The following CNTNAP2 variants were observed in gnomAD, a reference collection of about 807,000 sequenced individuals.
The protein encoded by CNTNAP2 is contactin-associated protein-like 2.
A neutral mutation model predicts 155.2 loss-of-function variants in CNTNAP2; 98 were observed. The ratio of observed to expected loss-of-function variants is 0.63; its 90% CI spans 0.54 to 0.75. The LOEUF (loss-of-function observed/expected upper bound fraction) is 0.75. Ranked by LOEUF, CNTNAP2 falls within the 30% of genes least tolerant of loss-of-function variation. CNTNAP2 has a pLI of 0.00. For missense variants in CNTNAP2, 1,727 were observed against 1,688.1 expected, an observed-to-expected ratio of 1.02 and a Z score of -0.40; for synonymous variants, 651 against 631.2, an observed-to-expected ratio of 1.03 and a Z score of -0.47.
At chr7:146,118,221 G>T (rs1269594831) in intron 1 of CNTNAP2, among the ~76,000 whole-genome samples, 1 of 152,106 alleles carries the variant, frequency 6.6e-6, no homozygotes, top group Non-Finnish European at 1.5e-5. Flanking sequence ...CCTAAGTACA[G>T]TATTAGCTTT....
intron 1 of CNTNAP2, among the ~76,000 whole-genome samples, chr7:146,322,634 C>CTCTTTTTTTTTTTTTTTTT (rs748751758): frequency 1.5e-5 from 1 of 64,964 alleles, no homozygotes; most frequent in Non-Finnish European, 2.7e-5. Flanking sequence ...TGTTCATTCT[C>CTCTTTTTTTTTTTTTTTTT]TTTTTTTTTT....
rs1803064795 is a variant in CNTNAP2 at position 146,811,462 on chromosome 7, C to A, written c.209-28249C>A. ...TGATTTCTTATGATACTTTGTATTTCCGTGGTATCGGTTGTAATGTTTTCT... is the reference window on the plus strand; with the variant it reads ...TGATTTCTTATGATACTTTGTATTTACGTGGTATCGGTTGTAATGTTTTCT... On this transcript the variant is annotated intron_variant, in intron 2 of 23. Transcript: ENST00000361727. Among the ~76,000 whole-genome samples the A allele has an allele frequency of 7.9e-5, 12 of 152,024 alleles. 2 individuals are homozygous for A. The South Asian group carries it at 2.5e-3, about 32-fold the overall frequency.
chr7:146,887,911 T>C (rs1450671828), intron 3 of CNTNAP2, among the ~76,000 whole-genome samples: 3 of 152,122 alleles, frequency 2.0e-5, no homozygotes, highest in Non-Finnish European at 4.4e-5. Context: ...TGTTAGGGTG[T>C]CCACTTTTAG....
intron 3 of CNTNAP2, among the ~76,000 whole-genome samples, chr7:146,868,301 A>G (rs1795243073): frequency 6.6e-6 from 1 of 152,000 alleles, no homozygotes; most frequent in Non-Finnish European, 1.5e-5. Flanking sequence ...TTGTTTTGTC[A>G]TCTTTGTGAA....
intron 9 of CNTNAP2, among the ~76,000 whole-genome samples, chr7:147,347,697 G>C (rs758615569): frequency 1.7e-4 from 26 of 151,660 alleles, no homozygotes; most frequent in Non-Finnish European, 3.2e-4. Flanking sequence ...ATGTGTGTGG[G>C]ATCACAAAAA....
chr7:146,610,598 A>G (rs1161790075), intron 1 of CNTNAP2, among the ~76,000 whole-genome samples: 1 of 152,178 alleles, frequency 6.6e-6, no homozygotes, highest in Non-Finnish European at 1.5e-5. Flanking sequence ...AAATATGACA[A>G]TATTTTAAAT....
In CNTNAP2 at chr7:146,246,587, C is replaced by G. The variant is rs141136964; in HGVS notation, c.97+129614C>G. Among the ~76,000 whole-genome samples the G allele has an allele frequency of 8.9e-3, 1,347 of 150,932 alleles. 25 individuals are homozygous for G. Among genetic ancestry groups the G allele is most frequent in the African/African-American group, 0.031 (1,257 of 40,398 alleles). ...CTTACCCTCCACTGTGAGAGTTACC[C>G]GAAGCTCGGCGTCCCTGATGGTCTA... On this transcript the variant is annotated intron_variant, in intron 1 of 23. Transcript: ENST00000361727.
intron 1 of CNTNAP2, among the ~76,000 whole-genome samples, chr7:146,631,609 G>T (rs2129158851): frequency 6.6e-6 from 1 of 152,194 alleles, no homozygotes; most frequent in Admixed American, 6.5e-5. Flanking sequence ...TCTGAATTCT[G>T]GTTAGTCTTC....
At chr7:147,627,472 T>C (rs10238508) in intron 12 of CNTNAP2, among the ~76,000 whole-genome samples, 3,089 of 151,384 alleles carry the variant, frequency 0.02, 113 homozygotes, top group African/African-American at 0.071. Flanking sequence ...CTGAGGCAGG[T>C]GGATCATGAG....
chr7:146,285,697 T>TCC (rs1800314984), intron 1 of CNTNAP2, among the ~76,000 whole-genome samples: 1 of 25,124 alleles, frequency 4.0e-5, no homozygotes, highest in South Asian at 2.4e-3. Context: ...TCCCTTCCCC[T>TCC]CCCCTCCCCT....
intron 1 of CNTNAP2, among the ~76,000 whole-genome samples, chr7:146,406,196 T>A (rs1200680679): frequency 1.3e-5 from 2 of 152,232 alleles, no homozygotes; most frequent in Non-Finnish European, 2.9e-5. Flanking sequence ...CTCTATAGCC[T>A]ATATTTAAAT....
intron 1 of CNTNAP2, among the ~76,000 whole-genome samples, chr7:146,227,284 G>T (rs989844586): frequency 6.6e-6 from 1 of 151,882 alleles, no homozygotes; most frequent in Non-Finnish European, 1.5e-5. Context: ...AATTATCTGG[G>T]TGTGGTGGCA....
intron 14 of CNTNAP2, among the ~76,000 whole-genome samples, chr7:147,941,832 C>T (rs752810138): frequency 2.1e-4 from 32 of 152,144 alleles, no homozygotes; most frequent in Admixed American, 1.2e-3. Context: ...GTCACTCTTT[C>T]CTGGGTGAAT....
At chr7:146,943,656 T>C (rs1797100210) in intron 3 of CNTNAP2, among the ~76,000 whole-genome samples, 1 of 152,234 alleles carries the variant, frequency 6.6e-6, no homozygotes, top group Non-Finnish European at 1.5e-5. Flanking sequence ...GTACATATCA[T>C]GCCATTTAGC....
intron 3 of CNTNAP2, among the ~76,000 whole-genome samples, chr7:146,879,164 A>T (rs548476217): frequency 3.4e-4 from 52 of 152,314 alleles, no homozygotes; most frequent in African/African-American, 1.3e-3. Flanking sequence ...TGTGGCAGGC[A>T]TCATTTTCCC....
chr7:147,891,270 T>A (rs7810021), intron 13 of CNTNAP2, among the ~76,000 whole-genome samples: 2,550 of 151,960 alleles, frequency 0.017, 69 homozygotes, highest in African/African-American at 0.056. Context: ...AGTGGTGAGA[T>A]CTTGGCTCAC....
At chr7:148,320,176 C>G (rs1447683519) in intron 21 of CNTNAP2, among the ~76,000 whole-genome samples, 1 of 152,080 alleles carries the variant, frequency 6.6e-6, no homozygotes, top group Non-Finnish European at 1.5e-5. Context: ...GGCTGATGTA[C>G]AGTTTCCTGC....
intron 12 of CNTNAP2, among the ~76,000 whole-genome samples, chr7:147,613,040 T>C (rs1347870453): frequency 1.3e-5 from 2 of 152,182 alleles, no homozygotes; most frequent in Non-Finnish European, 2.9e-5. Flanking sequence ...TAACTAGAAA[T>C]AATTATTATT....
At chr7:147,528,601 G>T (rs959661428) in intron 11 of CNTNAP2, among the ~76,000 whole-genome samples, 19 of 152,012 alleles carry the variant, frequency 1.2e-4, no homozygotes, top group Non-Finnish European at 2.8e-4. Context: ...TGTTTTTCTT[G>T]TACATCTTAC....
Sources: allele counts gnomAD v4.1 joint callset (sites outside exome capture counted in the v4.1 genomes callset), GRCh38; gene constraint gnomAD v4.1.1; transcripts MANE v1.5; gene names NCBI Gene and HGNC (gene_info 2026-07-23, HGNC 2026-07-21).